The following DMRT1 variants were observed in gnomAD, a reference collection of about 807,000 sequenced individuals.
DMRT1 encodes the protein doublesex- and mab-3-related transcription factor 1.
Under a neutral mutation model 32.3 loss-of-function variants are expected in DMRT1, and 7 were observed. The observed-to-expected ratio is 0.22, with a 90% confidence interval of 0.12 to 0.41. DMRT1 has a LOEUF of 0.41. DMRT1 is among the 10% of genes least tolerant of loss of function. The pLI is 1.00. For synonymous variants in DMRT1, 278 were observed against 206.1 expected, an observed-to-expected ratio of 1.35 and a Z score of -2.99; for missense variants, 625 against 500.5, an observed-to-expected ratio of 1.25 and a Z score of -2.37.
chr9:918,810 T>G (rs1818265564), intron 4 of DMRT1, among the ~76,000 whole-genome samples: 1 of 152,208 alleles, frequency 6.6e-6, no homozygotes, highest in Admixed American at 6.5e-5. Flanking sequence ...CCAGCTAATT[T>G]TTAACAGAAG....
intron 2 of DMRT1, among the ~76,000 whole-genome samples, chr9:875,677 A>T (rs60384627): frequency 0.019 from 2,874 of 152,282 alleles, 89 homozygotes; most frequent in African/African-American, 0.064. Context: ...CATTTTAGCT[A>T]ACAAGCCCAG....
At chr9:957,488 T>C (rs181885860) in intron 4 of DMRT1, among the ~76,000 whole-genome samples, 35 of 152,368 alleles carry the variant, frequency 2.3e-4, no homozygotes, top group Non-Finnish European at 4.4e-4. Flanking sequence ...TCTTCAGCCC[T>C]AATGTGAACC....
intron 2 of DMRT1, among the ~76,000 whole-genome samples, chr9:856,176 C>G (rs113062686): frequency 2.2e-4 from 34 of 152,276 alleles, no homozygotes; most frequent in African/African-American, 7.5e-4. Context: ...CTCGGCCTCC[C>G]AAAGTGCTGG....
At chr9:917,462 C>G (rs998711977) in intron 4 of DMRT1, among the ~76,000 whole-genome samples, 3 of 152,144 alleles carry the variant, frequency 2.0e-5, no homozygotes, top group African/African-American at 7.2e-5. Flanking sequence ...CATAGTAACT[C>G]GACTTCAATT....
chr9:896,674 A>T (rs111333201), intron 3 of DMRT1, among the ~76,000 whole-genome samples: 6,707 of 151,914 alleles, frequency 0.044, 233 homozygotes, highest in African/African-American at 0.098. Context: ...TTAACTGGGC[A>T]TGGTGGCGCA....
chr9:925,722 G>C (rs1441378413), intron 4 of DMRT1, among the ~76,000 whole-genome samples: 1 of 152,068 alleles, frequency 6.6e-6, no homozygotes, highest in Non-Finnish European at 1.5e-5. Flanking sequence ...GACAATATCT[G>C]ACCACTCTGT....
rs143996207 is a variant in DMRT1, at chr9:868,788, T to C, written c.538+21645T>C. Among the ~76,000 whole-genome samples, 22 of 152,324 alleles carry C rather than the reference T, an allele frequency of 1.4e-4. No homozygotes were observed. In the East Asian group the frequency reaches 3.9e-3, roughly 27 times the overall value. ...ACTTTGGAAGGCCAAGGCAGGTAGATGGCTTGAGCCCAGGAGTTTGAGATC... is the reference window on the plus strand; with the variant it reads ...ACTTTGGAAGGCCAAGGCAGGTAGACGGCTTGAGCCCAGGAGTTTGAGATC... On this transcript the variant is annotated intron_variant, in intron 2 of 4. Coordinates refer to ENST00000382276, the MANE Select transcript of DMRT1 (RefSeq NM_021951.3).
At chr9:888,665 G>C (rs1817026435) in intron 2 of DMRT1, among the ~76,000 whole-genome samples, 1 of 151,548 alleles carries the variant, frequency 6.6e-6, no homozygotes, top group South Asian at 2.1e-4. Context: ...GGGCATGAAG[G>C]TATCTCATAT....
intron 4 of DMRT1, among the ~76,000 whole-genome samples, chr9:935,729 C>A (rs1465708895): frequency 2.0e-5 from 3 of 152,258 alleles, no homozygotes; most frequent in Admixed American, 1.3e-4. Flanking sequence ...TAAATTACAC[C>A]CCCTCCAGAC....
chr9:934,077 T>C (rs1427070022), intron 4 of DMRT1, among the ~76,000 whole-genome samples: 1 of 152,068 alleles, frequency 6.6e-6, no homozygotes, highest in Non-Finnish European at 1.5e-5. Flanking sequence ...TTGGTTGATC[T>C]CAGTCCAAGA....
At chr9:888,415 C>A (rs1817014771) in intron 2 of DMRT1, among the ~76,000 whole-genome samples, 1 of 152,040 alleles carries the variant, frequency 6.6e-6, no homozygotes, top group South Asian at 2.1e-4. Flanking sequence ...AAGTGATTCT[C>A]CTTCCTCAGC....
chr9:870,794 C>A (rs1816214848), intron 2 of DMRT1, among the ~76,000 whole-genome samples: 2 of 144,306 alleles, frequency 1.4e-5, no homozygotes, highest in South Asian at 4.5e-4. Flanking sequence ...TCACTGCACC[C>A]TCTAGTCCTG....
In DMRT1 at chr9:906,031, C is replaced by CCA. The variant is rs3084882; in HGVS notation, c.823-10712_823-10711dup. On this transcript the variant is annotated intron_variant, in intron 3 of 4. Transcript: ENST00000382276. ...CAAGATGCTTCTGTGACACACACAC[C>CCA]CACACACACACACACACACACTCAC... 2.2e-3 allele frequency among the ~76,000 whole-genome samples: 42 copies of CCA among 19,318 alleles called. No individual in the cohort carries two copies. In the East Asian group the frequency reaches 0.03, roughly 14 times the overall value. 12.7% of individuals were successfully genotyped at this position (19,318 alleles called of 152,430 possible).
At chr9:960,560 C>T (rs761210309) in intron 4 of DMRT1, among the ~76,000 whole-genome samples, 29 of 152,184 alleles carry the variant, frequency 1.9e-4, no homozygotes, top group Non-Finnish European at 2.9e-4. Flanking sequence ...TATTACCTTC[C>T]TTTACAATTG....
chr9:922,687 C>G (rs1818393711), intron 4 of DMRT1, among the ~76,000 whole-genome samples: 1 of 152,148 alleles, frequency 6.6e-6, no homozygotes, highest in Non-Finnish European at 1.5e-5. Flanking sequence ...GAAATGGTGC[C>G]TTATTTCTTT....
Position 894,010 on chromosome 9 carries a change from T to C in DMRT1, c.637T>C (p.Phe213Leu). 4 of 1,614,250 alleles carry C rather than the reference T, an allele frequency of 2.5e-6. No individual in the cohort carries two copies. The highest frequency in any genetic ancestry group is 3.4e-6 in the Non-Finnish European group (4 of 1,180,040). Residue 213 changes from phenylalanine (F) to leucine (L), a missense_variant, in exon 3 of 5, where the codon TTC becomes CTC. Coordinates refer to ENST00000382276, the MANE Select transcript of DMRT1 (RefSeq NM_021951.3). Reference protein sequence around the residue: ...LVSDSTYYSSFYQPSLFPYYN... With the variant: ...LVSDSTYYSSLYQPSLFPYYN... ...TTCAGACTCCACCTACTACAGCAGCTTCTACCAGCCGTCTCTGTTTCCTTA... is the reference window on the plus strand; with the variant it reads ...TTCAGACTCCACCTACTACAGCAGCCTCTACCAGCCGTCTCTGTTTCCTTA...
chr9:891,701 T>A lies in DMRT1; in HGVS notation c.539-2211T>A, dbSNP rs548773123. On this transcript the variant is annotated intron_variant, in intron 2 of 4. Coordinates refer to ENST00000382276, the MANE Select transcript of DMRT1 (RefSeq NM_021951.3). ...GGCTAATTTTTTTTTTTTTTTGGTA[T>A]TTTTAGTAGAGACAGGGTTTCACCG... Among the ~76,000 whole-genome samples the A allele has an allele frequency of 1.2e-4, 18 of 151,448 alleles. No individual in the cohort carries two copies. The South Asian group carries it at 3.8e-3, about 32-fold the overall frequency.
At chr9:882,654 T>A (rs1213644404) in intron 2 of DMRT1, among the ~76,000 whole-genome samples, 1 of 152,060 alleles carries the variant, frequency 6.6e-6, no homozygotes, top group African/African-American at 2.4e-5. Context: ...CCTGCTCACC[T>A]TGAAGGCCTG....
chr9:964,907 G>A (rs1819885877), intron 4 of DMRT1, among the ~76,000 whole-genome samples: 2 of 152,190 alleles, frequency 1.3e-5, no homozygotes, highest in Admixed American at 6.5e-5. Flanking sequence ...ACTGACGCTA[G>A]GAGTTAGCAT....
Sources: allele counts gnomAD v4.1 joint callset (sites outside exome capture counted in the v4.1 genomes callset), GRCh38; gene constraint gnomAD v4.1.1; transcripts MANE v1.5; gene names NCBI Gene and HGNC (gene_info 2026-07-23, HGNC 2026-07-21).